ARCN1: variants seen among roughly 807,000 people sequenced by gnomAD.
ARCN1 encodes the protein archain 1 coat protein complex I subunit delta.
A neutral mutation model predicts 60.4 loss-of-function variants in ARCN1; 5 were observed. That is an observed-to-expected ratio of 0.08 (90% CI 0.04 to 0.17). The LOEUF (loss-of-function observed/expected upper bound fraction) is 0.17, where lower values mean the gene tolerates loss of function less well. Among genes scored for constraint, ARCN1 ranks in the 10% least tolerant of loss-of-function variants. The pLI, the probability that ARCN1 is intolerant of heterozygous loss-of-function variation, is 1.00. For synonymous variants in ARCN1, 224 were observed against 220.0 expected (o/e 1.02, Z -0.16); for missense variants, 464 against 626.5 (o/e 0.74, Z 2.77).
chr11:118,574,533 C>T (rs569332578), intron 1 of ARCN1, among the ~76,000 whole-genome samples: 1 of 151,620 alleles, frequency 6.6e-6, no homozygotes, highest in East Asian at 1.9e-4. Context: ...ATCATCCATC[C>T]ATCCCTCTCT....
intron 1 of ARCN1, among the ~76,000 whole-genome samples, chr11:118,578,874 C>CTTTTTTT (rs56050047): frequency 3.6e-5 from 3 of 83,454 alleles, no homozygotes; most frequent in African/African-American, 1.4e-4. Context: ...CCCCGTCTCT[C>CTTTTTTT]TTTTTTTTTT....
At chr11:118,598,971 T>C (rs1555077683) in intron 9 of ARCN1, among the ~76,000 whole-genome samples, 1 of 151,498 alleles carries the variant, frequency 6.6e-6, no homozygotes, top group African/African-American at 2.4e-5. Context: ...TTTTTGTATT[T>C]TTAGTAGAGA....
intron 1 of ARCN1, chr11:118,573,867 C>G: frequency 2.0e-6 from 1 of 512,248 alleles, no homozygotes; most frequent in Non-Finnish European, 3.5e-6. Flanking sequence ...TTTTCAGTTT[C>G]TCCAGGAGGT....
At chr11:118,574,931 C>CT (rs1207634748) in intron 1 of ARCN1, among the ~76,000 whole-genome samples, 14 of 151,826 alleles carry the variant, frequency 9.2e-5, no homozygotes, top group African/African-American at 2.9e-4. Context: ...TTGATTTGAT[C>CT]TTTTTTTTGT....
chr11:118,590,242 G>A lies in ARCN1; in HGVS notation c.819-99G>A, dbSNP rs45600633. 0.017 allele frequency: 16,043 copies of A among 926,328 alleles called. 176 individuals carry two copies. The highest frequency in any genetic ancestry group is 0.029 in the Middle Eastern group (117 of 4,096). The allele number at this position is 926,328 out of a possible 1,614,324, so 57.4% of individuals were successfully genotyped here. A position where few individuals can be genotyped will look rare whatever the true frequency, so the allele number is the denominator to read the frequency against. On this transcript the variant is annotated intron_variant, in intron 5 of 9. Coordinates refer to ENST00000264028, the MANE Select transcript of ARCN1 (RefSeq NM_001655.5). ...ACTCCCCACCTCAGGTGATCTGCCCGCCTTGGCCTCCCAAAGTGCTGGGGT... is the reference window on the plus strand; with the variant it reads ...ACTCCCCACCTCAGGTGATCTGCCCACCTTGGCCTCCCAAAGTGCTGGGGT...
chr11:118,575,005 A>G (rs1938455439), intron 1 of ARCN1, among the ~76,000 whole-genome samples: 1 of 151,920 alleles, frequency 6.6e-6, no homozygotes, highest in Non-Finnish European at 1.5e-5. Flanking sequence ...TTCGAGACGG[A>G]TTCTCGCTCT....
intron 5 of ARCN1, among the ~76,000 whole-genome samples, chr11:118,585,523 T>C (rs572301567): frequency 6.6e-6 from 1 of 152,278 alleles, no homozygotes; most frequent in South Asian, 2.1e-4. Flanking sequence ...CAAATTAATA[T>C]ATTTTGCATT....
At chr11:118,591,887 A>C (rs1377460674) in intron 6 of ARCN1, among the ~76,000 whole-genome samples, 1 of 150,924 alleles carries the variant, frequency 6.6e-6, no homozygotes, top group African/African-American at 2.4e-5. Flanking sequence ...GGTGTGCACC[A>C]CCACACCCAG....
intron 5 of ARCN1, among the ~76,000 whole-genome samples, chr11:118,589,798 A>G (rs540184078): frequency 6.6e-6 from 1 of 152,344 alleles, no homozygotes; most frequent in South Asian, 2.1e-4. Flanking sequence ...TCTTCAGTGA[A>G]TAACTTAGCA....
chr11:118,572,485 C>T lies in ARCN1; in HGVS notation c.-63C>T, dbSNP rs563971352. ...CCAGAGCTGCTGGTGCTCCCGTTCC[C>T]CAGACCCTACCCCTATCCCCAGTGG... is the stretch of plus-strand genomic sequence containing the variant. On this transcript the variant is annotated 5_prime_UTR_variant, in exon 1 of 10. Transcript: ENST00000264028. 1 of 1,594,466 alleles carries T rather than the reference C, an allele frequency of 6.3e-7. No homozygotes were observed. The highest frequency in any genetic ancestry group is 2.3e-5 in the East Asian group (1 of 43,878).
intron 9 of ARCN1, among the ~76,000 whole-genome samples, chr11:118,598,607 G>C (rs567568920): frequency 1.6e-4 from 23 of 146,114 alleles, no homozygotes; most frequent in Non-Finnish European, 3.0e-4. Flanking sequence ...CAATTCTCTT[G>C]CCTCAGCCTC....
chr11:118,573,706 C>G, intron 1 of ARCN1: 1 of 699,096 alleles, frequency 1.4e-6, no homozygotes, highest in South Asian at 1.5e-5. Context: ...TATTGACAAC[C>G]CTTTAGATAA....
intron 9 of ARCN1, 30 bp downstream of exon 9, chr11:118,597,941 G>A (rs1555077478): frequency 2.0e-5 from 32 of 1,610,124 alleles, no homozygotes; most frequent in Non-Finnish European, 2.5e-5. Flanking sequence ...AACATATATA[G>A]GGAAAGTGGT....
At chr11:118,587,389 C>A (rs1286197077) in intron 5 of ARCN1, among the ~76,000 whole-genome samples, 1 of 152,090 alleles carries the variant, frequency 6.6e-6, no homozygotes, top group Non-Finnish European at 1.5e-5. Context: ...GTCTATTTTT[C>A]CCCCTTTTAT....
intron 8 of ARCN1, 37 bp downstream of exon 8, chr11:118,593,735 G>A: frequency 2.1e-6 from 3 of 1,436,208 alleles, no homozygotes; most frequent in Non-Finnish European, 2.9e-6. Context: ...GGTGGACTTA[G>A]AGAACTGGTC....
intron 4 of ARCN1, 55 bp downstream of exon 4, chr11:118,584,069 T>C: frequency 1.3e-6 from 2 of 1,510,248 alleles, no homozygotes; most frequent in Non-Finnish European, 9.0e-7. Context: ...GTGTCTATCT[T>C]TGAAGTCATA....
At chr11:118,573,253 C>T (rs1938396819) in intron 1 of ARCN1, among the ~76,000 whole-genome samples, 1 of 152,146 alleles carries the variant, frequency 6.6e-6, no homozygotes, top group South Asian at 2.1e-4. Flanking sequence ...CAGGGTTTGC[C>T]TTCAAGGAAC....
intron 2 of ARCN1, among the ~76,000 whole-genome samples, chr11:118,582,876 A>C (rs1938691724): frequency 6.6e-6 from 1 of 151,910 alleles, no homozygotes. Flanking sequence ...CCCCGTCTCT[A>C]CTAAAAATAC....
At chr11:118,578,874 CTTT>C (rs56050047) in intron 1 of ARCN1, among the ~76,000 whole-genome samples, 843 of 83,266 alleles carry the variant, frequency 0.01, 11 homozygotes, top group African/African-American at 0.029. Context: ...CCCCGTCTCT[CTTT>C]TTTTTTTTTT....
Sources: gnomAD v4.1 joint callset for allele counts (sites outside exome capture counted in the v4.1 genomes callset) on GRCh38, gnomAD v4.1.1 for gene constraint, MANE v1.5 for transcripts, NCBI Gene and HGNC (gene_info 2026-07-23, HGNC 2026-07-21) for gene names.